The following GRIK2 variants were observed in gnomAD, a reference collection of about 807,000 sequenced individuals.
The protein encoded by GRIK2 is glutamate receptor ionotropic, kainate 2.
In GRIK2, 32 loss-of-function variants were observed where a neutral mutation model predicts 100.3. The ratio of observed to expected loss-of-function variants is 0.32; its 90% CI spans 0.24 to 0.43. GRIK2 has a LOEUF of 0.43. Among genes scored for constraint, GRIK2 ranks in the 20% least tolerant of loss-of-function variants. The probability of loss-of-function intolerance (pLI) is 1.00; values close to 1 mark genes in which losing one functional copy is unlikely to be tolerated. For missense variants in GRIK2, 843 were observed against 1,114.9 expected (o/e 0.76, Z 3.47); for synonymous variants, 417 against 389.4 (o/e 1.07, Z -0.83).
intron 12 of GRIK2, among the ~76,000 whole-genome samples, chr6:101,904,610 A>G (rs1788101544): frequency 6.6e-6 from 1 of 151,502 alleles, no homozygotes; most frequent in African/African-American, 2.4e-5. Context: ...TTCTAAATGC[A>G]TAAAAATTTA....
chr6:101,876,589 T>C (rs1048991042), intron 11 of GRIK2, among the ~76,000 whole-genome samples: 1 of 151,810 alleles, frequency 6.6e-6, no homozygotes, highest in African/African-American at 2.4e-5. Context: ...TCACCATTGT[T>C]GGAAGCTTAG....
chr6:102,029,740 C>G (rs1006840114), intron 14 of GRIK2, among the ~76,000 whole-genome samples: 1 of 151,132 alleles, frequency 6.6e-6, no homozygotes, highest in African/African-American at 2.4e-5. Flanking sequence ...CAGGACCCAC[C>G]TTATTAGGAA....
rs59376542 is a variant in GRIK2 at position 101,656,371 on chromosome 6, A to C, written c.542-20252A>C. On this transcript the variant is annotated intron_variant, in intron 4 of 16. Transcript: ENST00000369134. ...AAGGCATAAGAGAAAAATATTCAAG[A>C]CAATAGCAATGAAGAAAATATTTAA... Among the ~76,000 whole-genome samples the C allele has an allele frequency of 8.9e-3, 1,351 of 152,086 alleles. 15 individuals carry two copies. Among genetic ancestry groups the C allele is most frequent in the African/African-American group, 0.03 (1,264 of 41,518 alleles).
chr6:101,806,973 T>C (rs1781045173), intron 9 of GRIK2, among the ~76,000 whole-genome samples: 1 of 151,756 alleles, frequency 6.6e-6, no homozygotes, highest in African/African-American at 2.4e-5. Context: ...CACTACTATA[T>C]ATTAAGGCTT....
chr6:101,931,540 A>T (rs1157507029), intron 14 of GRIK2, among the ~76,000 whole-genome samples: 1 of 152,166 alleles, frequency 6.6e-6, no homozygotes, highest in East Asian at 1.9e-4. Flanking sequence ...CATTGCAAAG[A>T]CATAGCAGAG....
intron 4 of GRIK2, among the ~76,000 whole-genome samples, chr6:101,649,467 T>C (rs2128327763): frequency 6.6e-6 from 1 of 152,180 alleles, no homozygotes; most frequent in East Asian, 1.9e-4. Context: ...ATTAAACATG[T>C]TTAACAAGTG....
At chr6:101,643,518 TTGAAAA>T (rs1781381403) in intron 4 of GRIK2, among the ~76,000 whole-genome samples, 1 of 151,740 alleles carries the variant, frequency 6.6e-6, no homozygotes, top group Non-Finnish European at 1.5e-5. Flanking sequence ...GAGTTTATTG[TTGAAAA>T]TGAAAATTAT....
chr6:101,798,101 G>A (rs1780438055), intron 7 of GRIK2, among the ~76,000 whole-genome samples: 1 of 143,472 alleles, frequency 7.0e-6, no homozygotes. Flanking sequence ...TCTTAGCTCC[G>A]ATTTTCTTAA....
At chr6:101,631,594 T>C (rs1169494903) in intron 4 of GRIK2, among the ~76,000 whole-genome samples, 2 of 152,180 alleles carry the variant, frequency 1.3e-5, no homozygotes, top group Admixed American at 6.6e-5. Context: ...ATACCTGTTA[T>C]CTCCAGTGAC....
chr6:101,473,900 C>T (rs1157126593), intron 2 of GRIK2, among the ~76,000 whole-genome samples: 14 of 151,864 alleles, frequency 9.2e-5, no homozygotes, highest in South Asian at 2.1e-4. Context: ...AAATTAAACT[C>T]ATGTAAAATT....
chr6:101,903,438 G>A (rs1040046937), intron 12 of GRIK2, among the ~76,000 whole-genome samples: 2 of 151,696 alleles, frequency 1.3e-5, no homozygotes, highest in Non-Finnish European at 3.0e-5. Flanking sequence ...CAGAATGCCT[G>A]TCTCTAAGCA....
chr6:101,832,195 G>A (rs920776487), intron 10 of GRIK2, among the ~76,000 whole-genome samples: 1 of 151,980 alleles, frequency 6.6e-6, no homozygotes, highest in East Asian at 1.9e-4. Context: ...TTTTCTAAAT[G>A]ATCAGCTAAA....
intron 11 of GRIK2, among the ~76,000 whole-genome samples, chr6:101,884,369 A>G (rs539956964): frequency 5.9e-4 from 90 of 152,262 alleles, no homozygotes; most frequent in African/African-American, 2.1e-3. Context: ...CCAGCGTTAA[A>G]CTGCAAGAAC....
intron 14 of GRIK2, among the ~76,000 whole-genome samples, chr6:102,007,482 T>A (rs1795302206): frequency 6.6e-6 from 1 of 152,168 alleles, no homozygotes; most frequent in African/African-American, 2.4e-5. Flanking sequence ...CTACCTTGCA[T>A]CATCAGCAAT....
At chr6:101,585,190 C>T (rs778470507) in intron 2 of GRIK2, among the ~76,000 whole-genome samples, 15 of 152,030 alleles carry the variant, frequency 9.9e-5, no homozygotes, top group East Asian at 3.9e-4. Flanking sequence ...GTAAGATAGA[C>T]GTTTGGTCAA....
At chr6:101,397,504 G>A (rs1775058391) in intron 1 of GRIK2, among the ~76,000 whole-genome samples, 1 of 152,194 alleles carries the variant, frequency 6.6e-6, no homozygotes, top group Admixed American at 6.5e-5. Context: ...AGCCATTCAT[G>A]ATACTTATTT....
At chr6:101,798,325 A>G (rs1419657209) in intron 7 of GRIK2, among the ~76,000 whole-genome samples, 2 of 152,064 alleles carry the variant, frequency 1.3e-5, no homozygotes, top group Non-Finnish European at 2.9e-5. Flanking sequence ...GTCAGAGACA[A>G]ATATCAGTCA....
chr6:101,584,777 A>C (rs1380277901), intron 2 of GRIK2, among the ~76,000 whole-genome samples: 4 of 152,026 alleles, frequency 2.6e-5, no homozygotes, highest in Non-Finnish European at 5.9e-5. Context: ...GGATAAGTGC[A>C]ATGAGGCATT....
chr6:101,874,128 C>T (rs1040445515), intron 11 of GRIK2, among the ~76,000 whole-genome samples: 15 of 151,930 alleles, frequency 9.9e-5, no homozygotes, highest in African/African-American at 3.4e-4. Flanking sequence ...ATTTTGGCTT[C>T]TGTTGCCATT....
Sources: allele counts gnomAD v4.1 joint callset (sites outside exome capture counted in the v4.1 genomes callset), GRCh38; gene constraint gnomAD v4.1.1; transcripts MANE v1.5; gene names NCBI Gene and HGNC (gene_info 2026-07-23, HGNC 2026-07-21).